Variants in ZGPAT observed in about 807,000 individuals in gnomAD.
The protein encoded by ZGPAT is zinc finger CCCH-type with G patch domain-containing protein.
ZGPAT carries 39 observed loss-of-function variants against 47.9 expected under a neutral mutation model. The observed-to-expected ratio is 0.81, with a 90% CI of 0.63 to 1.06. ZGPAT has a LOEUF of 1.06. ZGPAT is among the 50% of genes least tolerant of loss of function. ZGPAT has a pLI of 0.00. For synonymous variants in ZGPAT, 348 were observed against 292.9 expected (o/e 1.19, Z -1.92); for missense variants, 717 against 681.4 (o/e 1.05, Z -0.58).
chr20:63,732,382 A>ATGTGTGTGGGTGAGGGCCTGTGTGTGCG (rs1568799556), intron 2 of ZGPAT, among the ~76,000 whole-genome samples: 2 of 132,974 alleles, frequency 1.5e-5, no homozygotes, highest in Non-Finnish European at 3.1e-5. Flanking sequence ...GTGTGCGCGC[A>ATGTGTGTGGGTGAGGGCCTGTGTGTGCG]TGTGTGTGGG....
Position 63,709,091 on chromosome 20 carries a change from T to C in ZGPAT, c.511T>C (p.Tyr171His), listed in dbSNP as rs2091619251. 6.2e-7 allele frequency: 1 copy of C among 1,613,134 alleles called. No homozygotes were observed. The highest frequency in any genetic ancestry group is 1.7e-5 in the Admixed American group (1 of 60,002). ...GGCGGGTGTCCGTGTGCTTTACCTG[T>C]ACCCCACTCACAAGTCTCTGAAGCC... ...GSAGVRVLYL[Y>H]PTHKSLKPCP... Residue 171 changes from tyrosine (Y) to histidine (H), a missense_variant, in exon 2 of 7, where the codon TAC (tyrosine) becomes CAC (histidine). Physicochemically the swap from Tyr to His is moderately conservative, Grantham distance 83. Coordinates refer to ENST00000355969, the MANE Select transcript of ZGPAT (RefSeq NM_181485.3).
intron 2 of ZGPAT, among the ~76,000 whole-genome samples, chr20:63,732,098 T>TGCGG (rs754828434): frequency 0.19 from 29,617 of 151,980 alleles, 3,715 homozygotes; most frequent in East Asian, 0.61. Flanking sequence ...TGCATGTATG[T>TGCGG]GTATATGCAT....
chr20:63,711,601 C>CTT (rs749955563), intron 2 of ZGPAT, among the ~76,000 whole-genome samples: 1 of 144,552 alleles, frequency 6.9e-6, no homozygotes, highest in African/African-American at 2.5e-5. Context: ...TGCGTTGGAC[C>CTT]TTTTTTTTTT....
chr20:63,721,552 C>T (rs189964189), intron 2 of ZGPAT, among the ~76,000 whole-genome samples: 1 of 152,200 alleles, frequency 6.6e-6, no homozygotes, highest in East Asian at 1.9e-4. Context: ...CCTGTCTAGC[C>T]CCAGCTGTGT....
At chr20:63,707,485 C>G (rs949337176), upstream of ZGPAT, 15 of 170,608 alleles carry the variant, frequency 8.8e-5, no homozygotes, top group Non-Finnish European at 1.6e-4. Context: ...ACGGCACCCT[C>G]GAGCGCCAGC....
intron 2 of ZGPAT, among the ~76,000 whole-genome samples, chr20:63,727,070 C>T (rs371411730): frequency 6.6e-6 from 1 of 152,038 alleles, no homozygotes; most frequent in African/African-American, 2.4e-5. Context: ...TGGACTTTGA[C>T]ACATGTATAA....
Position 63,733,709 on chromosome 20 carries a change from G to A in ZGPAT, c.841G>A (p.Asp281Asn), listed in dbSNP as rs2091946646. The change falls in exon 4 of 7, where the codon GAC becomes AAC. Residue 281 changes from aspartate to asparagine, a missense_variant. Asp to Asn is a conservative substitution (Grantham distance 23, BLOSUM62 1). Coordinates refer to ENST00000355969, the MANE Select transcript of ZGPAT (RefSeq NM_181485.3). ...TEATESDSDS[D>N]GTGDSSYARV... The stretch of plus-strand genomic sequence containing the variant: ...GGCCACAGAGTCCGACTCAGACAGC[G>A]ACGGTACGGGTGACTCCAGCTATGC... The A allele has an allele frequency of 3.7e-6, 6 of 1,613,554 alleles. 1 individual carries two copies. Among genetic ancestry groups the A allele is most frequent in the South Asian group, 2.2e-5 (2 of 91,060 alleles).
In ZGPAT at chr20:63,734,083, C is replaced by T. The variant is rs957894844; in HGVS notation, c.871+344C>T. ...GGGGCAGCTCCTCTGCATGGCTTCTCAGACTTGGGACCTGGGTGCCTGGGA... is the reference window on the plus strand; with the variant it reads ...GGGGCAGCTCCTCTGCATGGCTTCTTAGACTTGGGACCTGGGTGCCTGGGA... On this transcript the variant is annotated intron_variant, in intron 4 of 6. Transcript: ENST00000355969. 1.3e-4 allele frequency: 40 copies of T among 318,356 alleles called. 1 individual carries two copies. Among genetic ancestry groups the T allele is most frequent in the Non-Finnish European group, 2.9e-5 (5 of 169,984 alleles). The allele number at this position is 318,356 out of a possible 1,614,324, so 19.7% of individuals were successfully genotyped here.
intron 2 of ZGPAT, among the ~76,000 whole-genome samples, chr20:63,732,782 G>A (rs935689010): frequency 6.6e-6 from 1 of 151,452 alleles, no homozygotes; most frequent in Non-Finnish European, 1.5e-5. Flanking sequence ...ATGCGTGTGT[G>A]TATGCATGTG....
intron 2 of ZGPAT, among the ~76,000 whole-genome samples, chr20:63,710,939 T>G (rs775148028): frequency 6.6e-6 from 1 of 152,230 alleles, no homozygotes; most frequent in Non-Finnish European, 1.5e-5. Context: ...TTACCAAGCC[T>G]TCTAGTAGGT....
intron 4 of ZGPAT, 38 bp downstream of exon 4, chr20:63,733,777 T>C: frequency 6.3e-7 from 1 of 1,581,612 alleles, no homozygotes; most frequent in African/African-American, 1.3e-5. Flanking sequence ...GCCAGGAAGG[T>C]GGGGTCACCC....
chr20:63,735,320 C>A lies in ZGPAT; in HGVS notation c.1153C>A (p.Pro385Thr). 1 of 1,582,676 alleles carries A rather than the reference C, an allele frequency of 6.3e-7. No individual in the cohort carries two copies. Among genetic ancestry groups the A allele is most frequent in the South Asian group, 1.2e-5 (1 of 86,338 alleles). Reference protein sequence around the residue: ...PPRCRGRGARPGGRPAPRNVF... With the variant: ...PPRCRGRGARTGGRPAPRNVF... ...CAGGTGCCGGGGAAGAGGGGCCAGG[C>A]CTGGGGGCCGCCCAGCTCCTCGGAA... Residue 385 changes from proline (P) to threonine (T), a missense_variant, in exon 6 of 7, where the codon CCT (proline) becomes ACT (threonine). Transcript: ENST00000355969.
At chr20:63,732,343 G>GTGTGTGC (rs1568799406) in intron 2 of ZGPAT, among the ~76,000 whole-genome samples, 1 of 36,224 alleles carries the variant, frequency 2.8e-5, no homozygotes, top group African/African-American at 1.1e-4. Flanking sequence ...GTGTGTGGGT[G>GTGTGTGC]AGGTGTGTGT....
intron 2 of ZGPAT, among the ~76,000 whole-genome samples, chr20:63,712,491 T>G: frequency 6.6e-6 from 1 of 152,226 alleles, no homozygotes; most frequent in East Asian, 1.9e-4. Flanking sequence ...TGCAATTTCA[T>G]ATGAATTTTA....
intron 4 of ZGPAT, chr20:63,733,959 G>T (rs2145702794): frequency 1.7e-6 from 1 of 602,904 alleles, no homozygotes; most frequent in Admixed American, 3.3e-5. Flanking sequence ...CTCATTGATG[G>T]GAGGCCATGG....
At chr20:63,712,822 G>T (rs2091683877) in intron 2 of ZGPAT, among the ~76,000 whole-genome samples, 1 of 152,074 alleles carries the variant, frequency 6.6e-6, no homozygotes, top group African/African-American at 2.4e-5. Context: ...CTTGAACCTG[G>T]GAGGAGGAGG....
intron 5 of ZGPAT, 36 bp from the exon 6 acceptor site, chr20:63,735,123 C>G: frequency 6.7e-7 from 1 of 1,483,676 alleles, no homozygotes; most frequent in African/African-American, 1.4e-5. Flanking sequence ...CCCGGGGTCC[C>G]GCAGCCACAG....
At chr20:63,733,023 CGTGAGTGTGTGCATGTGTGT>C (rs1181686062) in intron 2 of ZGPAT, among the ~76,000 whole-genome samples, 176 bp from the exon 3 acceptor site, 1 of 148,238 alleles carries the variant, frequency 6.7e-6, no homozygotes, top group Non-Finnish European at 1.5e-5. Context: ...TGTATGTGTG[CGTGAGTGTGTGCATGTGTGT>C]GTGTATGTGT....
intron 2 of ZGPAT, among the ~76,000 whole-genome samples, chr20:63,719,864 C>A (rs1298953799): frequency 3.3e-5 from 5 of 151,804 alleles, no homozygotes; most frequent in Admixed American, 3.3e-4. Flanking sequence ...CCTCAGCCTC[C>A]CAAGTAGCTG....
Sources: gnomAD v4.1 joint callset for allele counts (sites outside exome capture counted in the v4.1 genomes callset) on GRCh38, gnomAD v4.1.1 for gene constraint, MANE v1.5 for transcripts, NCBI Gene and HGNC (gene_info 2026-07-23, HGNC 2026-07-21) for gene names.